ELMOD2: variants seen among roughly 807,000 people sequenced by gnomAD.
The protein encoded by ELMOD2 is ELMO domain containing 2, also known as ELMO domain-containing protein 2.
Under a neutral mutation model 41.0 loss-of-function variants are expected in ELMOD2, and 28 were observed. The observed-to-expected ratio is 0.68, with a 90% CI of 0.51 to 0.94. The LOEUF is 0.94. ELMOD2 is among the 40% of genes least tolerant of loss of function. ELMOD2 has a pLI of 0.00. For missense variants in ELMOD2, 333 were observed against 343.1 expected (o/e 0.97, Z 0.23); for synonymous variants, 106 against 107.2 (o/e 0.99, Z 0.07).
chr4:140,535,792 T>G lies in ELMOD2; in HGVS notation c.231T>G (p.Ile77Met), dbSNP rs778114443. The change falls in exon 4 of 9, where the codon ATT (isoleucine) becomes ATG (methionine). Residue 77 changes from isoleucine to methionine, a missense_variant. Coordinates refer to ENST00000323570, the MANE Select transcript of ELMOD2 (RefSeq NM_153702.4). ...AAGTGGACAAATATGTAGATGATAT[T>G]ATGAAGGAAAAGAATATTAACCCTG... ...QSEVDKYVDD[I>M]MKEKNINPEK... 6.2e-7 allele frequency: 1 copy of G among 1,610,430 alleles called. No individual in the cohort carries two copies. Among genetic ancestry groups the G allele is most frequent in the South Asian group, 1.1e-5 (1 of 89,928 alleles).
chr4:140,548,757 T>A (rs1401966241), intron 8 of ELMOD2, among the ~76,000 whole-genome samples: 1 of 152,152 alleles, frequency 6.6e-6, no homozygotes, highest in African/African-American at 2.4e-5. Context: ...TATGAGCATT[T>A]AGTGAGCACT....
rs1735478811 is a variant in ELMOD2 at position 140,551,867 on chromosome 4, A to G, written c.*1492A>G. On this transcript the variant is annotated 3_prime_UTR_variant, in exon 9 of 9. Transcript: ENST00000323570. The stretch of plus-strand genomic sequence containing the variant: ...AATAAGATGCAGTGTTGTATAGCAC[A>G]TACATTTAAAGTGCTTGCGTTAAAA... 1 of 152,094 alleles carries G rather than the reference A, an allele frequency of 6.6e-6. No homozygotes were observed. Among genetic ancestry groups the G allele is most frequent in the Admixed American group, 6.5e-5 (1 of 15,268 alleles). The allele number at this position is 152,094 out of a possible 1,614,324, so 9.4% of individuals were successfully genotyped here. A position where few individuals can be genotyped will look rare whatever the true frequency, so the allele number is the denominator to read the frequency against.
At chr4:140,545,536 A>AG (rs1486817199) in intron 8 of ELMOD2, among the ~76,000 whole-genome samples, 2 of 152,180 alleles carry the variant, frequency 1.3e-5, no homozygotes, top group African/African-American at 4.8e-5. Context: ...GAATCATATG[A>AG]GGATGCTTAA....
intron 3 of ELMOD2, 31 bp from the exon 4 acceptor site, chr4:140,535,702 T>A (rs1187655127): frequency 6.3e-7 from 1 of 1,581,226 alleles, no homozygotes; most frequent in Admixed American, 1.8e-5. Context: ...ACAAAGAATT[T>A]TTCTCATTTG....
chr4:140,524,400 C>CT (rs1263914964), intron 1 of ELMOD2, 120 bp downstream of exon 1: 8 of 177,790 alleles, frequency 4.5e-5, no homozygotes, highest in African/African-American at 1.9e-4. Context: ...GCCGGCGGGT[C>CT]TTTGTGCGAG....
At chr4:140,546,057 C>T (rs1009143257) in intron 8 of ELMOD2, among the ~76,000 whole-genome samples, 7 of 152,164 alleles carry the variant, frequency 4.6e-5, no homozygotes, top group African/African-American at 1.4e-4. Context: ...TGCGGCACTA[C>T]TCACAATAGC....
At chr4:140,549,391 G>A (rs546462344) in intron 8 of ELMOD2, among the ~76,000 whole-genome samples, 2 of 150,722 alleles carry the variant, frequency 1.3e-5, no homozygotes, top group Admixed American at 6.6e-5. Flanking sequence ...AAACAAGTTC[G>A]GTTTCATGAA....
chr4:140,526,032 T>C (rs1734551734), intron 2 of ELMOD2, among the ~76,000 whole-genome samples: 1 of 152,222 alleles, frequency 6.6e-6, no homozygotes, highest in Non-Finnish European at 1.5e-5. Context: ...AGACTCATTC[T>C]CACTGTCCAA....
intron 7 of ELMOD2, 51 bp downstream of exon 7, chr4:140,542,693 A>C (rs745914321): frequency 7.5e-7 from 1 of 1,326,644 alleles, no homozygotes; most frequent in Non-Finnish European, 1.0e-6. Context: ...TATAATGATT[A>C]GATGATTTAA....
At chr4:140,535,986 AG>A (rs1389033880) in intron 4 of ELMOD2, among the ~76,000 whole-genome samples, 156 bp downstream of exon 4, 1 of 152,166 alleles carries the variant, frequency 6.6e-6, no homozygotes, top group African/African-American at 2.4e-5. Context: ...AGATCCAGAG[AG>A]GGCAGTGATA....
intron 3 of ELMOD2, among the ~76,000 whole-genome samples, chr4:140,533,364 A>G (rs957309934): frequency 1.3e-5 from 2 of 152,316 alleles, no homozygotes; most frequent in South Asian, 2.1e-4. Context: ...CACACCTAAT[A>G]TGTCACAATT....
chr4:140,531,632 C>T (rs951333106), intron 3 of ELMOD2, among the ~76,000 whole-genome samples: 18 of 152,180 alleles, frequency 1.2e-4, no homozygotes, highest in Non-Finnish European at 2.1e-4. Flanking sequence ...CATTTTACGG[C>T]ATTAGTTTAG....
chr4:140,540,355 TG>T, intron 6 of ELMOD2, 54 bp downstream of exon 6: 1 of 1,594,958 alleles, frequency 6.3e-7, no homozygotes. Context: ...ATTTAATCTC[TG>T]ATCTAGTTAC....
At chr4:140,540,874 A>G (rs1242064198) in intron 6 of ELMOD2, among the ~76,000 whole-genome samples, 2 of 151,848 alleles carry the variant, frequency 1.3e-5, no homozygotes, top group African/African-American at 2.4e-5. Context: ...GTATGCTCCT[A>G]CTGCCTTTAT....
chr4:140,546,930 T>C (rs1266904979), intron 8 of ELMOD2, among the ~76,000 whole-genome samples: 11 of 152,198 alleles, frequency 7.2e-5, no homozygotes, highest in African/African-American at 9.7e-5. Flanking sequence ...GTGAAGCTTA[T>C]GATTTTCAAT....
At chr4:140,542,459 G>T in intron 6 of ELMOD2, 115 bp from the exon 7 acceptor site, 1 of 685,102 alleles carries the variant, frequency 1.5e-6, no homozygotes, top group South Asian at 2.2e-5. Context: ...CAGATATCAG[G>T]ATACTCATGG....
intron 6 of ELMOD2, 65 bp from the exon 7 acceptor site, chr4:140,542,509 T>C: frequency 8.2e-7 from 1 of 1,218,502 alleles, no homozygotes; most frequent in Non-Finnish European, 1.2e-6. Flanking sequence ...CTTTTTAAAT[T>C]GGTTCTGGAT....
chr4:140,545,251 T>C (rs1560833485), intron 8 of ELMOD2, among the ~76,000 whole-genome samples: 1 of 152,156 alleles, frequency 6.6e-6, no homozygotes, highest in Non-Finnish European at 1.5e-5. Context: ...TCATGACTTT[T>C]CTGATGCCAC....
intron 8 of ELMOD2, among the ~76,000 whole-genome samples, chr4:140,546,898 G>T (rs548753485): frequency 6.6e-6 from 1 of 152,216 alleles, no homozygotes; most frequent in East Asian, 1.9e-4. Flanking sequence ...ATCTATAAGA[G>T]CTGTAGATCA....
Sources: gnomAD v4.1 joint callset for allele counts (sites outside exome capture counted in the v4.1 genomes callset) on GRCh38, gnomAD v4.1.1 for gene constraint, MANE v1.5 for transcripts, NCBI Gene and HGNC (gene_info 2026-07-23, HGNC 2026-07-21) for gene names.